ANKRD11: variants seen among roughly 807,000 people sequenced by gnomAD.
ANKRD11 encodes ankyrin repeat domain 11, also known as ankyrin repeat domain-containing protein 11.
In ANKRD11, 17 loss-of-function variants were observed where a neutral mutation model predicts 195.7. The ratio of observed to expected loss-of-function variants is 0.09; its 90% CI spans 0.06 to 0.13. The LOEUF is 0.13. Among genes scored for constraint, ANKRD11 ranks in the 10% least tolerant of loss-of-function variants. ANKRD11 has a pLI of 1.00. For missense variants in ANKRD11, 3,735 were observed against 3,566.1 expected (o/e 1.05, Z -1.21); for synonymous variants, 1,953 against 1,528.1 (o/e 1.28, Z -6.49).
In ANKRD11 at chr16:89,321,874, T is replaced by C. The variant is rs142974205; in HGVS notation, c.-59-4796A>G. ...GAGACAGCAAGACCCATCTCTCCTC[T>C]TCCTCTTCAGCCTCCTCAACGTGAA... is the stretch of plus-strand genomic sequence containing the variant. On this transcript the variant is annotated intron_variant, in intron 2 of 12. Transcript: ENST00000301030. 1.7e-3 allele frequency among the ~76,000 whole-genome samples: 255 copies of C among 152,274 alleles called. 1 individual carries two copies. The highest frequency in any genetic ancestry group is 2.9e-3 in the South Asian group (14 of 4,826).
intron 1 of ANKRD11, among the ~76,000 whole-genome samples, chr16:89,468,735 A>T (rs1342982651): frequency 6.6e-6 from 1 of 152,002 alleles, no homozygotes; most frequent in African/African-American, 2.4e-5. Flanking sequence ...AGCAAAAGTG[A>T]AGCCATGTGG....
intron 2 of ANKRD11, among the ~76,000 whole-genome samples, chr16:89,334,144 T>TAAAAAAAAAAAAAAAAAAAAAAA (rs869142504): frequency 4.8e-5 from 2 of 41,410 alleles, no homozygotes; most frequent in African/African-American, 1.9e-4. Flanking sequence ...CCCTGTGTTT[T>TAAAAAAAAAAAAAAAAAAAAAAA]AAAAAAAAAA....
intron 2 of ANKRD11, chr16:89,324,238 A>G: frequency 8.3e-7 from 1 of 1,203,892 alleles, no homozygotes; most frequent in Non-Finnish European, 1.1e-6. Flanking sequence ...CCCCTCAGAC[A>G]CATGCTTGGT....
In ANKRD11 at chr16:89,406,747, G is replaced by A. The variant is rs562212506; in HGVS notation, c.-60+11537C>T. On this transcript the variant is annotated intron_variant, in intron 2 of 12. Transcript: ENST00000301030. ...CAGTGCCTCCTTCACGCTGATAAGC[G>A]ATCCCACCAAGCATGACCCACAGCA... Among the ~76,000 whole-genome samples, 8 of 152,288 alleles carry A rather than the reference G, an allele frequency of 5.3e-5. No individual in the cohort carries two copies. In the East Asian group the frequency reaches 7.7e-4, roughly 15 times the overall value.
intron 2 of ANKRD11, among the ~76,000 whole-genome samples, chr16:89,408,089 C>T (rs1567763130): frequency 6.6e-6 from 1 of 152,192 alleles, no homozygotes; most frequent in Non-Finnish European, 1.5e-5. Flanking sequence ...AGCCACTGCA[C>T]ATGTGTGACC....
chr16:89,471,829 C>T (rs976857615), intron 1 of ANKRD11, among the ~76,000 whole-genome samples: 2 of 149,802 alleles, frequency 1.3e-5, no homozygotes, highest in Admixed American at 6.7e-5. Context: ...CATTTACCAC[C>T]CAAATCAACT....
chr16:89,454,482 C>G (rs553138262), intron 1 of ANKRD11, among the ~76,000 whole-genome samples: 1 of 152,302 alleles, frequency 6.6e-6, no homozygotes, highest in South Asian at 2.1e-4. Context: ...TTAATAAGCA[C>G]TGCTCATATA....
chr16:89,436,286 G>A (rs1476087849), intron 1 of ANKRD11, among the ~76,000 whole-genome samples: 2 of 151,978 alleles, frequency 1.3e-5, no homozygotes, highest in African/African-American at 2.4e-5. Flanking sequence ...TGATGGCTCA[G>A]AACCTGTAGT....
At chr16:89,470,437 T>C (rs748342329) in intron 1 of ANKRD11, among the ~76,000 whole-genome samples, 4 of 152,128 alleles carry the variant, frequency 2.6e-5, no homozygotes, top group African/African-American at 7.2e-5. Context: ...CAGGTCAGTC[T>C]GAGGAGAGGC....
rs578227464 is a variant in ANKRD11 at position 89,458,495 on chromosome 16, A to T, written c.-145+31750T>A. 1.5e-3 allele frequency among the ~76,000 whole-genome samples: 229 copies of T among 152,310 alleles called. 1 individual carries two copies. The highest frequency in any genetic ancestry group is 6.8e-3 in the Middle Eastern group (2 of 294). On this transcript the variant is annotated intron_variant, in intron 1 of 12. Coordinates refer to ENST00000301030, the MANE Select transcript of ANKRD11 (RefSeq NM_013275.6). ...CATCTCGGCCTCCCAAAGTGCTGGG[A>T]TTACAGGCGTGAGCCACCGTGCCCG...
At position 89,426,314 on chromosome 16, in the gene ANKRD11, A is replaced by C. The variant is rs926804628; in HGVS notation, c.-144-7946T>G. 3.4e-4 allele frequency among the ~76,000 whole-genome samples: 51 copies of C among 152,202 alleles called. 1 individual carries two copies. Among genetic ancestry groups the C allele is most frequent in the Non-Finnish European group, 5.9e-5 (4 of 68,038 alleles). ...AAAGTGACACAAAAGCCAACAGTGA[A>C]AACAGCCCCAATAACACACAGGAGA... On this transcript the variant is annotated intron_variant, in intron 1 of 12. Coordinates refer to ENST00000301030, the MANE Select transcript of ANKRD11 (RefSeq NM_013275.6).
chr16:89,447,671 C>G (rs2043858309), intron 1 of ANKRD11, among the ~76,000 whole-genome samples: 1 of 152,202 alleles, frequency 6.6e-6, no homozygotes, highest in African/African-American at 2.4e-5. Context: ...AACACTGCAT[C>G]CGGACACGCA....
rs71396915 is a variant in ANKRD11 at position 89,441,558 on chromosome 16, C to T, written c.-144-23190G>A. Reference sequence around the variant, plus strand: ...CAAGGCGGGCGGATCACGAGGTCAGCAGATGGAGACCATCCTGGCTAACAT... The same window carrying T: ...CAAGGCGGGCGGATCACGAGGTCAGTAGATGGAGACCATCCTGGCTAACAT... On this transcript the variant is annotated intron_variant, in intron 1 of 12. Coordinates refer to ENST00000301030, the MANE Select transcript of ANKRD11 (RefSeq NM_013275.6). 3.3e-5 allele frequency among the ~76,000 whole-genome samples: 5 copies of T among 151,748 alleles called. No individual in the cohort carries two copies. In the South Asian group the frequency reaches 8.3e-4, roughly 25 times the overall value.
intron 1 of ANKRD11, among the ~76,000 whole-genome samples, chr16:89,454,031 C>T (rs1003511142): frequency 2.6e-5 from 4 of 152,182 alleles, no homozygotes; most frequent in Admixed American, 6.5e-5. Flanking sequence ...GAAGAGCACC[C>T]GGCAGGTAGT....
intron 2 of ANKRD11, among the ~76,000 whole-genome samples, chr16:89,349,112 A>G (rs1178960947): frequency 1.5e-5 from 2 of 130,110 alleles, no homozygotes; most frequent in African/African-American, 5.7e-5. Flanking sequence ...TGGGGGACAG[A>G]GTAAAACACT....
intron 1 of ANKRD11, among the ~76,000 whole-genome samples, chr16:89,465,554 TG>T (rs1038076411): frequency 6.6e-6 from 1 of 152,084 alleles, no homozygotes; most frequent in Non-Finnish European, 1.5e-5. Flanking sequence ...GCTCAGCAGG[TG>T]GGAACACTTG....
intron 2 of ANKRD11, among the ~76,000 whole-genome samples, chr16:89,322,556 A>G (rs533540732): frequency 6.6e-6 from 1 of 152,348 alleles, no homozygotes; most frequent in Admixed American, 6.5e-5. Flanking sequence ...AGGGGAGGGA[A>G]GCCCTTCAAG....
intron 1 of ANKRD11, among the ~76,000 whole-genome samples, chr16:89,431,063 T>C (rs113595452): frequency 1.2e-3 from 186 of 152,184 alleles, no homozygotes; most frequent in African/African-American, 4.3e-3. Flanking sequence ...AAGCCTAGGG[T>C]TAACATCTGC....
chr16:89,470,822 T>C (rs189836046), intron 1 of ANKRD11, among the ~76,000 whole-genome samples: 19 of 151,954 alleles, frequency 1.3e-4, no homozygotes, highest in African/African-American at 4.6e-4. Context: ...ACCCCGTCTC[T>C]ACTAAAAAAT....
Sources: gnomAD v4.1 joint callset for allele counts (sites outside exome capture counted in the v4.1 genomes callset) on GRCh38, gnomAD v4.1.1 for gene constraint, MANE v1.5 for transcripts, NCBI Gene and HGNC (gene_info 2026-07-23, HGNC 2026-07-21) for gene names.